The following PTPRD variants were observed in gnomAD, a reference collection of about 807,000 sequenced individuals.
The protein encoded by PTPRD is protein tyrosine phosphatase receptor type D.
PTPRD carries 34 observed loss-of-function variants against 214.5 expected under a neutral mutation model. That is an observed-to-expected ratio of 0.16 (90% CI 0.12 to 0.21). PTPRD has a LOEUF of 0.21. Ranked by LOEUF, PTPRD falls within the 10% of genes least tolerant of loss-of-function variation. PTPRD has a pLI of 1.00. For synonymous variants in PTPRD, 1,128 were observed against 845.7 expected, an observed-to-expected ratio of 1.33 and a Z score of -5.79; for missense variants, 2,545 against 2,398.7, an observed-to-expected ratio of 1.06 and a Z score of -1.27.
At chr9:9,414,222 A>T (rs987558924) in intron 8 of PTPRD, among the ~76,000 whole-genome samples, 2 of 152,228 alleles carry the variant, frequency 1.3e-5, no homozygotes, top group Non-Finnish European at 2.9e-5. Context: ...ATTCCATCTG[A>T]TGAAGATATT....
chr9:9,028,411 G>A (rs939181686), intron 10 of PTPRD, among the ~76,000 whole-genome samples: 1 of 151,808 alleles, frequency 6.6e-6, no homozygotes, highest in Non-Finnish European at 1.5e-5. Context: ...TTACATTTCT[G>A]ATATTTCATT....
At chr9:9,141,321 C>G (rs998976490) in intron 10 of PTPRD, among the ~76,000 whole-genome samples, 39 of 151,432 alleles carry the variant, frequency 2.6e-4, no homozygotes, top group African/African-American at 9.0e-4. Flanking sequence ...GAACACGGCA[C>G]CTGGATACTT....
At chr9:10,321,039 T>C (rs2096543709) in intron 3 of PTPRD, among the ~76,000 whole-genome samples, 1 of 152,004 alleles carries the variant, frequency 6.6e-6, no homozygotes, top group African/African-American at 2.4e-5. Flanking sequence ...GATTCTTTCA[T>C]GAAATGTGTG....
chr9:10,116,417 TAAAAG>T (rs2098731718), intron 3 of PTPRD, among the ~76,000 whole-genome samples: 1 of 152,142 alleles, frequency 6.6e-6, no homozygotes, highest in Non-Finnish European at 1.5e-5. Flanking sequence ...TTTTGGTCAC[TAAAAG>T]AAATCATAGA....
intron 11 of PTPRD, among the ~76,000 whole-genome samples, chr9:8,878,445 G>T (rs1009364605): frequency 1.3e-5 from 2 of 152,104 alleles, no homozygotes; most frequent in African/African-American, 4.8e-5. Context: ...AGAAGGGGTG[G>T]CATATGCTTA....
At chr9:10,598,674 ATGTGTG>A (rs36093644) in intron 2 of PTPRD, among the ~76,000 whole-genome samples, 1,738 of 143,872 alleles carry the variant, frequency 0.012, 36 homozygotes, top group African/African-American at 0.039. Flanking sequence ...TTATATATGT[ATGTGTG>A]TGTGTGTGTG....
At chr9:8,819,304 T>A (rs549333366) in intron 11 of PTPRD, among the ~76,000 whole-genome samples, 7 of 152,110 alleles carry the variant, frequency 4.6e-5, no homozygotes, top group Admixed American at 3.9e-4. Context: ...ATATGTGAGG[T>A]AGACTGATCT....
At chr9:10,287,013 G>A (rs12345809) in intron 3 of PTPRD, among the ~76,000 whole-genome samples, 1 of 152,130 alleles carries the variant, frequency 6.6e-6, no homozygotes. Flanking sequence ...AGTAAAGTTA[G>A]AGCTAGTAGG....
intron 3 of PTPRD, among the ~76,000 whole-genome samples, chr9:10,215,902 A>G (rs1463758105): frequency 2.6e-5 from 4 of 151,992 alleles, no homozygotes. Flanking sequence ...AACAAAATAG[A>G]GGCTGGGGAT....
chr9:10,578,376 T>C (rs891551300), intron 2 of PTPRD, among the ~76,000 whole-genome samples: 1 of 152,152 alleles, frequency 6.6e-6, no homozygotes, highest in African/African-American at 2.4e-5. Context: ...ATATATATTA[T>C]CTGAATAGTT....
chr9:10,471,920 A>G (rs955686580), intron 2 of PTPRD, among the ~76,000 whole-genome samples: 7 of 152,110 alleles, frequency 4.6e-5, no homozygotes, highest in South Asian at 2.1e-4. Flanking sequence ...AATAAATATC[A>G]AAGAAGTCAC....
At chr9:9,468,672 G>C (rs1199723804) in intron 8 of PTPRD, among the ~76,000 whole-genome samples, 5 of 151,912 alleles carry the variant, frequency 3.3e-5, no homozygotes, top group African/African-American at 7.3e-5. Flanking sequence ...TTCAAAATAA[G>C]TGATATTTTA....
At chr9:10,349,444 T>C (rs1227277692) in intron 2 of PTPRD, among the ~76,000 whole-genome samples, 1 of 152,194 alleles carries the variant, frequency 6.6e-6, no homozygotes, top group Non-Finnish European at 1.5e-5. Context: ...TATGTTCCCA[T>C]CTGTCATACC....
chr9:8,321,481 G>GTA (rs1421258540), intron 44 of PTPRD, among the ~76,000 whole-genome samples: 29 of 49,164 alleles, frequency 5.9e-4, no homozygotes, highest in Non-Finnish European at 7.4e-4. Context: ...GTGTGTGTGT[G>GTA]TGTGTGTATA....
At chr9:9,290,980 T>G (rs1361442505) in intron 9 of PTPRD, among the ~76,000 whole-genome samples, 1 of 151,576 alleles carries the variant, frequency 6.6e-6, no homozygotes, top group East Asian at 2.0e-4. Flanking sequence ...CTTAGTTACC[T>G]AAGACCACAC....
At chr9:9,631,923 C>A (rs2095607278) in intron 7 of PTPRD, among the ~76,000 whole-genome samples, 2 of 152,050 alleles carry the variant, frequency 1.3e-5, no homozygotes, top group Non-Finnish European at 2.9e-5. Flanking sequence ...AGTGCTGATA[C>A]TAATTCTCTC....
intron 9 of PTPRD, among the ~76,000 whole-genome samples, chr9:9,212,134 T>G (rs1012073979): frequency 7.2e-5 from 11 of 152,278 alleles, no homozygotes; most frequent in African/African-American, 2.4e-4. Flanking sequence ...CTGAGAGGGA[T>G]AAAGATGTTT....
At chr9:8,870,723 C>CACACACAA (rs2098283208) in intron 11 of PTPRD, among the ~76,000 whole-genome samples, 1 of 151,530 alleles carries the variant, frequency 6.6e-6, no homozygotes, top group Non-Finnish European at 1.5e-5. Context: ...CACACACACA[C>CACACACAA]ACACACGGGA....
At chr9:8,957,496 C>A (rs1242746466) in intron 11 of PTPRD, among the ~76,000 whole-genome samples, 2 of 151,774 alleles carry the variant, frequency 1.3e-5, no homozygotes. Flanking sequence ...CAAAATCAAA[C>A]CCTGTCCACT....
Sources: allele counts gnomAD v4.1 joint callset (sites outside exome capture counted in the v4.1 genomes callset), GRCh38; gene constraint gnomAD v4.1.1; transcripts MANE v1.5; gene names NCBI Gene and HGNC (gene_info 2026-07-23, HGNC 2026-07-21).